GLCCI1: variants seen among roughly 807,000 people sequenced by gnomAD.
The protein encoded by GLCCI1 is glucocorticoid-induced transcript 1 protein.
GLCCI1 carries 24 observed loss-of-function variants against 52.2 expected under a neutral mutation model. The ratio of observed to expected loss-of-function variants is 0.46; its 90% CI spans 0.33 to 0.65. GLCCI1 has a LOEUF of 0.65. Among genes scored for constraint, GLCCI1 ranks in the 30% least tolerant of loss-of-function variants. The pLI is 0.02. For missense variants in GLCCI1, 704 were observed against 701.5 expected, an observed-to-expected ratio of 1.00 and a Z score of -0.04; for synonymous variants, 310 against 276.5, an observed-to-expected ratio of 1.12 and a Z score of -1.20.
chr7:8,060,696 T>C (rs558227448), intron 5 of GLCCI1, among the ~76,000 whole-genome samples: 2 of 152,348 alleles, frequency 1.3e-5, no homozygotes, highest in South Asian at 4.1e-4. Context: ...TAATCAGTTA[T>C]ATGGATTTTA....
intron 2 of GLCCI1, among the ~76,000 whole-genome samples, chr7:8,009,074 G>A (rs1490723369): frequency 6.6e-6 from 1 of 152,160 alleles, no homozygotes; most frequent in Non-Finnish European, 1.5e-5. Flanking sequence ...ATAAGATACA[G>A]CTTTACATTT....
At chr7:8,067,762 C>A (rs1176765565) in intron 5 of GLCCI1, among the ~76,000 whole-genome samples, 2 of 152,186 alleles carry the variant, frequency 1.3e-5, no homozygotes, top group Non-Finnish European at 2.9e-5. Flanking sequence ...CCTGCCTATT[C>A]TCTCCAGCTG....
At chr7:8,079,030 C>T (rs879896897) in intron 6 of GLCCI1, among the ~76,000 whole-genome samples, 7 of 152,114 alleles carry the variant, frequency 4.6e-5, no homozygotes, top group Non-Finnish European at 8.8e-5. Flanking sequence ...CTCTTTTGAA[C>T]ATAGTAAATG....
rs530322865 is a variant in GLCCI1 at position 8,075,174 on chromosome 7, G to A, written c.1177+4043G>A. Among the ~76,000 whole-genome samples, 73 of 151,748 alleles carry A rather than the reference G, an allele frequency of 4.8e-4. 1 individual carries two copies. The highest frequency in any genetic ancestry group is 4.0e-3 in the Admixed American group (61 of 15,226). ...GCATCGCACATTGGTTTTTTTCTTT[G>A]CCTGTATGGATTGTAATGCCAGGAC... is the stretch of plus-strand genomic sequence containing the variant. On this transcript the variant is annotated intron_variant, in intron 6 of 7. Transcript: ENST00000223145.
chr7:8,022,163 T>C (rs1781506499), intron 2 of GLCCI1, among the ~76,000 whole-genome samples: 1 of 152,230 alleles, frequency 6.6e-6, no homozygotes, highest in Admixed American at 6.5e-5. Flanking sequence ...ATATTTAGTT[T>C]GGCTATTCTC....
intron 1 of GLCCI1, among the ~76,000 whole-genome samples, chr7:7,986,338 C>T (rs1472431444): frequency 1.3e-5 from 2 of 150,160 alleles, no homozygotes; most frequent in Non-Finnish European, 3.0e-5. Context: ...CGGTGAAACC[C>T]TGTCTCTACT....
At chr7:8,070,339 G>C (rs1782729431) in intron 5 of GLCCI1, 2 of 152,124 alleles carry the variant, frequency 1.3e-5, no homozygotes. Flanking sequence ...TCTAATATTA[G>C]AATTCTTTTG....
At chr7:7,997,032 T>A (rs17141597) in intron 1 of GLCCI1, among the ~76,000 whole-genome samples, 8,504 of 152,314 alleles carry the variant, frequency 0.056, 352 homozygotes, top group East Asian at 0.19. Context: ...CATCATTTTA[T>A]ATGTCAAGGA....
chr7:8,021,725 A>G (rs147596564), intron 2 of GLCCI1, among the ~76,000 whole-genome samples: 2,358 of 152,334 alleles, frequency 0.015, 26 homozygotes, highest in Admixed American at 0.043. Context: ...TTTTAATACA[A>G]CTATTAAATG....
At chr7:8,053,005 A>ATTATTTATTTATTTAT (rs60377934) in intron 3 of GLCCI1, among the ~76,000 whole-genome samples, 12 of 147,116 alleles carry the variant, frequency 8.2e-5, no homozygotes, top group East Asian at 2.0e-4. Context: ...TTGGTTTTGT[A>ATTATTTATTTATTTAT]TTATTTATTT....
intron 1 of GLCCI1, among the ~76,000 whole-genome samples, chr7:7,995,346 C>CA (rs1780917936): frequency 6.6e-6 from 1 of 152,014 alleles, no homozygotes; most frequent in African/African-American, 2.4e-5. Flanking sequence ...CCGTCCTCTA[C>CA]AAAAAATACA....
In GLCCI1 at chr7:7,969,295, C is replaced by G; in HGVS notation, c.-56C>G. Reference sequence around the variant, plus strand: ...GCGCCGGCTCCCACACGCTCGCGCGCCTCCCGCCCCGCGCCTCCGTGTCGG... The same window carrying G: ...GCGCCGGCTCCCACACGCTCGCGCGGCTCCCGCCCCGCGCCTCCGTGTCGG... On this transcript the variant is annotated 5_prime_UTR_variant, in exon 1 of 8. Coordinates refer to ENST00000223145, the MANE Select transcript of GLCCI1 (RefSeq NM_138426.4). The surrounding 1 kb of genome is among the most constrained non-coding windows in gnomAD (Gnocchi z 4.9). 7.4e-7 allele frequency: 1 copy of G among 1,356,040 alleles called. No individual in the cohort carries two copies. Among genetic ancestry groups the G allele is most frequent in the South Asian group, 1.4e-5 (1 of 71,138 alleles). 84.0% of individuals were successfully genotyped at this position (1,356,040 alleles called of 1,614,324 possible).
rs759930942 is a variant in GLCCI1, at chr7:8,085,035, T to G, written c.1298+18T>G. Reference sequence around the variant, plus strand: ...GAAATGGCGTAAGTAATGTCTTTTTTGTCAGCTGGGATCTGCAAAGCTGTA... The same window carrying G: ...GAAATGGCGTAAGTAATGTCTTTTTGGTCAGCTGGGATCTGCAAAGCTGTA... On this transcript the variant is annotated intron_variant, in intron 7 of 7. Coordinates refer to ENST00000223145, the MANE Select transcript of GLCCI1 (RefSeq NM_138426.4). The G allele has an allele frequency of 3.1e-6, 5 of 1,613,414 alleles. No individual in the cohort carries two copies. Among genetic ancestry groups the G allele is most frequent in the Non-Finnish European group, 4.2e-6 (5 of 1,179,782 alleles).
Position 8,084,940 on chromosome 7 carries a change from C to T in GLCCI1, c.1221C>T (p.Pro407=). 6.2e-7 allele frequency: 1 copy of T among 1,614,108 alleles called. No individual in the cohort carries two copies. The highest frequency in any genetic ancestry group is 8.5e-7 in the Non-Finnish European group (1 of 1,179,976). ...SSPLPKYASS[P]KPNNSYMFKR... is the part of the protein sequence containing the mutation. Reference sequence around the variant, plus strand: ...CGTTACCCAAGTATGCTTCATCTCCCAAACCAAACAACAGCTACATGTTCA... The same window carrying T: ...CGTTACCCAAGTATGCTTCATCTCCTAAACCAAACAACAGCTACATGTTCA... Residue 407 remains proline (P), a synonymous_variant, in exon 7 of 8, where the codon CCC becomes CCT. Transcript: ENST00000223145.
intron 1 of GLCCI1, among the ~76,000 whole-genome samples, chr7:7,976,173 AATG>A (rs1309000861): frequency 1.3e-5 from 2 of 152,080 alleles, no homozygotes; most frequent in Admixed American, 1.3e-4. Flanking sequence ...CACCAAAAAG[AATG>A]ATGATTTAAA....
chr7:8,034,950 C>T (rs1369928479), intron 3 of GLCCI1, among the ~76,000 whole-genome samples: 1 of 152,190 alleles, frequency 6.6e-6, no homozygotes, highest in Admixed American at 6.5e-5. Flanking sequence ...GGGTTGCTTA[C>T]CCTCCCTGTG....
intron 1 of GLCCI1, among the ~76,000 whole-genome samples, chr7:7,977,860 G>A (rs1780526955): frequency 6.6e-6 from 1 of 152,202 alleles, no homozygotes; most frequent in African/African-American, 2.4e-5. Context: ...CCCAAGGTCA[G>A]GCAGCATGCA....
At position 8,042,244 on chromosome 7, in the gene GLCCI1, T is replaced by G. The variant is rs115146588; in HGVS notation, c.697-13189T>G. ...AGTAATTTCAATCTTCAATTCTTATTATTTAAGAAGTACATTTTGTAAGGC... is the reference window on the plus strand; with the variant it reads ...AGTAATTTCAATCTTCAATTCTTATGATTTAAGAAGTACATTTTGTAAGGC... On this transcript the variant is annotated intron_variant, in intron 3 of 7. Coordinates refer to ENST00000223145, the MANE Select transcript of GLCCI1 (RefSeq NM_138426.4). Among the ~76,000 whole-genome samples the G allele has an allele frequency of 7.9e-3, 1,200 of 152,318 alleles. 24 individuals carry two copies. The highest frequency in any genetic ancestry group is 0.028 in the African/African-American group (1,146 of 41,558).
chr7:8,044,236 T>A (rs562320753), intron 3 of GLCCI1, among the ~76,000 whole-genome samples: 1 of 152,312 alleles, frequency 6.6e-6, no homozygotes, highest in South Asian at 2.1e-4. Context: ...TGAGCCACCG[T>A]GCCTGGCCAA....
Sources: gnomAD v4.1 joint callset for allele counts (sites outside exome capture counted in the v4.1 genomes callset) on GRCh38, gnomAD v4.1.1 for gene constraint, Gnocchi (gnomAD v3.1) non-coding constraint, MANE v1.5 for transcripts, NCBI Gene and HGNC (gene_info 2026-07-23, HGNC 2026-07-21) for gene names.